The following CORIN variants were observed in gnomAD, a reference collection of about 807,000 sequenced individuals.
The protein encoded by CORIN is atrial natriuretic peptide-converting enzyme.
CORIN carries 117 observed loss-of-function variants against 125.3 expected under a neutral mutation model. The ratio of observed to expected loss-of-function variants is 0.93; its 90% CI spans 0.80 to 1.09. The LOEUF is 1.09. Among genes scored for constraint, CORIN ranks in the 50% least tolerant of loss-of-function variants. The probability of loss-of-function intolerance (pLI) is 0.00; values close to 1 mark genes in which losing one functional copy is unlikely to be tolerated. For missense variants in CORIN, 1,253 were observed against 1,306.7 expected (o/e 0.96, Z 0.63); for synonymous variants, 450 against 466.4 (o/e 0.96, Z 0.45).
chr4:47,755,243 C>T (rs2109855579), intron 4 of CORIN, among the ~76,000 whole-genome samples: 1 of 152,246 alleles, frequency 6.6e-6, no homozygotes, highest in Middle Eastern at 3.4e-3. Context: ...GAATTTACTT[C>T]TCAATGACTT....
intron 4 of CORIN, among the ~76,000 whole-genome samples, chr4:47,757,990 T>C (rs965844656): frequency 6.6e-6 from 1 of 151,090 alleles, no homozygotes; most frequent in Admixed American, 6.6e-5. Context: ...CTCAGCTCAC[T>C]GCAAGCTCCA....
At position 47,752,345 on chromosome 4, in the gene CORIN, C is replaced by T. The variant is rs117964393; in HGVS notation, c.618-7762G>A. Among the ~76,000 whole-genome samples the T allele has an allele frequency of 2.4e-4, 36 of 152,308 alleles. No individual in the cohort carries two copies. The East Asian group carries it at 6.5e-3, about 28-fold the overall frequency. On this transcript the variant is annotated intron_variant, in intron 4 of 21. Transcript: ENST00000273857. ...GGATATTTGTTTATTTCATCTGCAGCTCTATCCCTCCTGTGCACAGTCAGC... is the reference window on the plus strand; with the variant it reads ...GGATATTTGTTTATTTCATCTGCAGTTCTATCCCTCCTGTGCACAGTCAGC...
intron 4 of CORIN, among the ~76,000 whole-genome samples, chr4:47,748,269 T>G (rs1362409062): frequency 6.6e-6 from 1 of 152,224 alleles, no homozygotes; most frequent in Non-Finnish European, 1.5e-5. Context: ...CGTGGTGAGA[T>G]AGGCCACACT....
At chr4:47,751,835 A>G (rs1337909643) in intron 4 of CORIN, among the ~76,000 whole-genome samples, 2 of 152,176 alleles carry the variant, frequency 1.3e-5, no homozygotes, top group Admixed American at 1.3e-4. Context: ...ATAGGCACCA[A>G]TAAGTGTTTG....
intron 5 of CORIN, among the ~76,000 whole-genome samples, chr4:47,723,113 G>A (rs1727431201): frequency 6.6e-6 from 1 of 152,168 alleles, no homozygotes; most frequent in African/African-American, 2.4e-5. Flanking sequence ...CCTTGGAGGG[G>A]GCCCTAGAAG....
chr4:47,780,599 TA>T (rs1730495694), intron 3 of CORIN, among the ~76,000 whole-genome samples: 1 of 152,100 alleles, frequency 6.6e-6, no homozygotes, highest in Non-Finnish European at 1.5e-5. Context: ...CTGTCAAAGT[TA>T]ATTTTTTTTT....
intron 13 of CORIN, among the ~76,000 whole-genome samples, chr4:47,646,962 A>G (rs986817086): frequency 2.6e-5 from 4 of 152,248 alleles, no homozygotes; most frequent in Admixed American, 2.0e-4. Flanking sequence ...TAAGTGACCC[A>G]AAATGCTTAC....
At chr4:47,795,307 T>C in intron 2 of CORIN, among the ~76,000 whole-genome samples, 1 of 152,076 alleles carries the variant, frequency 6.6e-6, no homozygotes, top group Non-Finnish European at 1.5e-5. Context: ...TTTAGGATTG[T>C]TTTATCTGAA....
At chr4:47,721,896 T>C (rs1727364911) in intron 5 of CORIN, among the ~76,000 whole-genome samples, 1 of 152,230 alleles carries the variant, frequency 6.6e-6, no homozygotes, top group Non-Finnish European at 1.5e-5. Flanking sequence ...TTGTTTGTTT[T>C]ATTCTGTTAC....
chr4:47,781,906 C>A (rs1422186259), intron 3 of CORIN, among the ~76,000 whole-genome samples: 1 of 151,784 alleles, frequency 6.6e-6, no homozygotes, highest in Non-Finnish European at 1.5e-5. Flanking sequence ...CCACTGCACT[C>A]CAGCCTGGGC....
intron 1 of CORIN, among the ~76,000 whole-genome samples, chr4:47,810,891 C>G (rs1023118969): frequency 1.3e-5 from 2 of 152,168 alleles, no homozygotes; most frequent in Admixed American, 6.5e-5. Flanking sequence ...GTAAAAGTAG[C>G]TCAAACTCAA....
At chr4:47,777,799 A>C (rs1730364634) in intron 3 of CORIN, among the ~76,000 whole-genome samples, 1 of 152,246 alleles carries the variant, frequency 6.6e-6, no homozygotes, top group South Asian at 2.1e-4. Context: ...TTTCAGCTAC[A>C]AGTGAAAAGG....
rs115929733 is a variant in CORIN, at chr4:47,742,021, C to G, written c.799+2381G>C. On this transcript the variant is annotated intron_variant, in intron 5 of 21. Coordinates refer to ENST00000273857, the MANE Select transcript of CORIN (RefSeq NM_006587.4). The stretch of plus-strand genomic sequence containing the variant: ...ACAATTCTGTGTGTATACTAAACCA[C>G]TTAATAATATACTTTAAAGAGATGA... Among the ~76,000 whole-genome samples, 474 of 151,860 alleles carry G rather than the reference C, an allele frequency of 3.1e-3. 2 individuals carry two copies. Among genetic ancestry groups the G allele is most frequent in the African/African-American group, 0.01 (415 of 41,440 alleles).
At chr4:47,603,331 T>A (rs1721520857) in intron 20 of CORIN, 66 bp downstream of exon 20, 1 of 1,513,598 alleles carries the variant, frequency 6.6e-7, no homozygotes. Context: ...TTCTTTCCTT[T>A]ATAAATTACC....
intron 3 of CORIN, among the ~76,000 whole-genome samples, chr4:47,780,387 C>T (rs1483754438): frequency 6.6e-6 from 1 of 151,892 alleles, no homozygotes; most frequent in East Asian, 1.9e-4. Context: ...TTACAAATAA[C>T]ATATATATCA....
At chr4:47,739,171 T>A (rs1049618529) in intron 5 of CORIN, among the ~76,000 whole-genome samples, 7 of 151,848 alleles carry the variant, frequency 4.6e-5, no homozygotes, top group Non-Finnish European at 2.9e-5. Context: ...CTTCTCAAAT[T>A]TGGAGAAAAA....
chr4:47,661,523 C>T, intron 12 of CORIN, 188 bp downstream of exon 12: 1 of 514,106 alleles, frequency 1.9e-6, no homozygotes, highest in South Asian at 3.6e-5. Context: ...AAAATGAATG[C>T]AATATCTAAC....
intron 14 of CORIN, among the ~76,000 whole-genome samples, chr4:47,644,552 A>T (rs939649109): frequency 1.3e-5 from 2 of 152,232 alleles, no homozygotes; most frequent in Non-Finnish European, 2.9e-5. Flanking sequence ...ATGGCCATTC[A>T]CTTAGAAAAT....
At chr4:47,596,186 T>C (rs1033933837) in intron 21 of CORIN, among the ~76,000 whole-genome samples, 20 of 152,164 alleles carry the variant, frequency 1.3e-4, no homozygotes, top group African/African-American at 4.1e-4. Context: ...TCTGCACTTA[T>C]AAAAATATGT....
Sources: gnomAD v4.1 joint callset for allele counts (sites outside exome capture counted in the v4.1 genomes callset) on GRCh38, gnomAD v4.1.1 for gene constraint, MANE v1.5 for transcripts, NCBI Gene and HGNC (gene_info 2026-07-23, HGNC 2026-07-21) for gene names.